NEBL: variants seen among roughly 807,000 people sequenced by gnomAD.
The protein encoded by NEBL is LIM and SH3 protein 2.
NEBL carries 122 observed loss-of-function variants against 140.2 expected under a neutral mutation model. The ratio of observed to expected loss-of-function variants is 0.87; its 90% confidence interval spans 0.75 to 1.01. NEBL has a LOEUF of 1.01. Ranked by LOEUF, NEBL falls within the 50% of genes least tolerant of loss-of-function variation. The pLI is 0.00. For synonymous variants in NEBL, 436 were observed against 398.9 expected (o/e 1.09, Z -1.11); for missense variants, 1,365 against 1,231.3 (o/e 1.11, Z -1.62).
At position 20,815,271 on chromosome 10, in the gene NEBL, T is replaced by C. The variant is rs114937558; in HGVS notation, c.2241+354A>G. 6.9e-3 allele frequency among the ~76,000 whole-genome samples: 1,048 copies of C among 152,336 alleles called. 10 individuals carry two copies. Among genetic ancestry groups the C allele is most frequent in the African/African-American group, 0.024 (989 of 41,574 alleles). ...TTTGCAGACAGCATTTAACAATCCA[T>C]GTTCAATGAAATATTTCAGGAAAAT... On this transcript the variant is annotated intron_variant, in intron 22 of 27. Coordinates refer to ENST00000377122, the MANE Select transcript of NEBL (RefSeq NM_006393.3).
intron 3 of NEBL, among the ~76,000 whole-genome samples, chr10:21,207,815 T>C (rs574201071): frequency 1.3e-5 from 2 of 152,234 alleles, no homozygotes; most frequent in East Asian, 3.9e-4. Context: ...CTAGAAACCA[T>C]TCATTTAAAA....
rs1221313079 is a variant in NEBL at position 20,894,130 on chromosome 10, G to A, written c.153+2828C>T. ...GAAGAAGTCCAAAGAGTAACAATTA[G>A]GCTGCACCATGAAGAGAAGTCCATG... On this transcript the variant is annotated intron_variant, in intron 2 of 27. Coordinates refer to ENST00000377122, the MANE Select transcript of NEBL (RefSeq NM_006393.3). Among the ~76,000 whole-genome samples the A allele has an allele frequency of 2.6e-5, 4 of 152,150 alleles. No homozygotes were observed. The East Asian group carries it at 7.7e-4, about 29-fold the overall frequency.
intron 4 of NEBL, among the ~76,000 whole-genome samples, chr10:20,934,054 C>T (rs1419491224): frequency 6.6e-6 from 1 of 152,036 alleles, no homozygotes. Context: ...AAAAAAGGCC[C>T]CATTTTACAC....
chr10:20,902,633 C>T (rs759758873), intron 4 of NEBL, among the ~76,000 whole-genome samples: 6 of 152,120 alleles, frequency 3.9e-5, no homozygotes. Context: ...AAAGTATTCT[C>T]AATGTCTACA....
At chr10:21,091,382 A>G (rs1410673707) in intron 2 of NEBL, among the ~76,000 whole-genome samples, 1 of 152,228 alleles carries the variant, frequency 6.6e-6, no homozygotes, top group East Asian at 1.9e-4. Flanking sequence ...TAAATAAAAA[A>G]GAATAAAGCA....
intron 3 of NEBL, among the ~76,000 whole-genome samples, chr10:21,011,209 CA>C (rs1838325282): frequency 1.3e-5 from 2 of 152,166 alleles, no homozygotes; most frequent in Admixed American, 6.5e-5. Flanking sequence ...GTGGCAGGGA[CA>C]GGGGGAGAGC....
upstream of NEBL, chr10:20,897,583 A>C: frequency 9.7e-7 from 1 of 1,034,970 alleles, no homozygotes. Context: ...TGGGAAAACT[A>C]CTCAGCTCTA....
At chr10:21,243,238 C>T (rs999553573) in intron 3 of NEBL, among the ~76,000 whole-genome samples, 10 of 151,760 alleles carry the variant, frequency 6.6e-5, no homozygotes, top group Non-Finnish European at 1.0e-4. Flanking sequence ...CTTGTCAACC[C>T]GCAGGACCAA....
intron 2 of NEBL, among the ~76,000 whole-genome samples, chr10:21,123,982 G>T (rs1257176409): frequency 1.3e-5 from 2 of 151,282 alleles, no homozygotes; most frequent in African/African-American, 4.9e-5. Flanking sequence ...ACGTGTGTGT[G>T]TTCACTGGCA....
At chr10:21,134,598 G>C (rs1201917445) in intron 2 of NEBL, among the ~76,000 whole-genome samples, 1 of 152,190 alleles carries the variant, frequency 6.6e-6, no homozygotes, top group Non-Finnish European at 1.5e-5. Flanking sequence ...ATTTGGACAA[G>C]TTTCCATTCA....
chr10:21,122,941 G>A (rs1395261597), intron 2 of NEBL, among the ~76,000 whole-genome samples: 1 of 152,080 alleles, frequency 6.6e-6, no homozygotes, highest in Non-Finnish European at 1.5e-5. Context: ...CAAGAATCAG[G>A]GGTCCCACAT....
chr10:21,181,868 C>T (rs1841393939), intron 3 of NEBL, among the ~76,000 whole-genome samples: 1 of 152,178 alleles, frequency 6.6e-6, no homozygotes, highest in Admixed American at 6.5e-5. Flanking sequence ...CAAAGAAAAA[C>T]ATGTTGACTG....
intron 2 of NEBL, among the ~76,000 whole-genome samples, chr10:21,102,024 T>C (rs1837502026): frequency 6.6e-6 from 1 of 152,252 alleles, no homozygotes; most frequent in Non-Finnish European, 1.5e-5. Flanking sequence ...TGTCACAAAA[T>C]GTAGCATTCC....
At chr10:21,246,087 G>A (rs1842513976) in intron 3 of NEBL, among the ~76,000 whole-genome samples, 1 of 152,218 alleles carries the variant, frequency 6.6e-6, no homozygotes, top group South Asian at 2.1e-4. Context: ...AACAGGAGGA[G>A]TGCGCTGTGT....
At chr10:21,183,957 G>A (rs765931043) in intron 3 of NEBL, among the ~76,000 whole-genome samples, 9 of 152,028 alleles carry the variant, frequency 5.9e-5, no homozygotes, top group Non-Finnish European at 1.2e-4. Flanking sequence ...CTTTTCTGCC[G>A]CCATGTGAGA....
At chr10:20,890,057 C>G in intron 2 of NEBL, 108 bp from the exon 3 acceptor site, 3 of 736,816 alleles carry the variant, frequency 4.1e-6, no homozygotes, top group Non-Finnish European at 6.8e-6. Context: ...AGTAAATACT[C>G]AAGTGTGAAA....
chr10:20,995,988 C>G (rs1237972674), intron 3 of NEBL, among the ~76,000 whole-genome samples: 3 of 151,958 alleles, frequency 2.0e-5, no homozygotes, highest in South Asian at 2.1e-4. Context: ...GGAAGAGTAC[C>G]TTTTATAAGA....
At chr10:21,142,099 T>C (rs1839658660) in intron 2 of NEBL, among the ~76,000 whole-genome samples, 1 of 152,176 alleles carries the variant, frequency 6.6e-6, no homozygotes, top group Non-Finnish European at 1.5e-5. Context: ...GCAAAACTTG[T>C]AGGAACAACA....
At chr10:21,241,138 T>G (rs912062184) in intron 3 of NEBL, among the ~76,000 whole-genome samples, 1 of 152,058 alleles carries the variant, frequency 6.6e-6, no homozygotes, top group African/African-American at 2.4e-5. Context: ...GTTTATTTCT[T>G]GGCTTACATT....
Sources: allele counts gnomAD v4.1 joint callset (sites outside exome capture counted in the v4.1 genomes callset), GRCh38; gene constraint gnomAD v4.1.1; transcripts MANE v1.5; gene names NCBI Gene and HGNC (gene_info 2026-07-23, HGNC 2026-07-21).